Variants in CKAP5 observed in about 807,000 individuals in gnomAD.
CKAP5 encodes the protein cytoskeleton associated protein 5.
CKAP5 carries 27 observed loss-of-function variants against 232.8 expected under a neutral mutation model. The ratio of observed to expected loss-of-function variants is 0.12; its 90% CI spans 0.09 to 0.16. The LOEUF (loss-of-function observed/expected upper bound fraction) is 0.16, where lower values mean the gene tolerates loss of function less well. Ranked by LOEUF, CKAP5 falls within the 10% of genes least tolerant of loss-of-function variation. CKAP5 has a pLI of 1.00. For missense variants in CKAP5, 1,838 were observed against 2,424.7 expected, an observed-to-expected ratio of 0.76 and a Z score of 5.08; for synonymous variants, 785 against 841.1, an observed-to-expected ratio of 0.93 and a Z score of 1.16.
At chr11:46,821,946 G>A (rs1343951547) in intron 1 of CKAP5, among the ~76,000 whole-genome samples, 1 of 152,102 alleles carries the variant, frequency 6.6e-6, no homozygotes, top group Non-Finnish European at 1.5e-5. Context: ...GTCTGAGACA[G>A]GAGAATCGCT....
At chr11:46,752,193 T>TATACACACAC (rs1408030107) in intron 38 of CKAP5, among the ~76,000 whole-genome samples, 1 of 66,572 alleles carries the variant, frequency 1.5e-5, no homozygotes, top group African/African-American at 5.1e-5. Flanking sequence ...TATATATATA[T>TATACACACAC]ACACACACAC....
intron 1 of CKAP5, among the ~76,000 whole-genome samples, chr11:46,833,532 T>C (rs865897925): frequency 6.6e-6 from 1 of 150,752 alleles, no homozygotes; most frequent in Admixed American, 6.7e-5. Flanking sequence ...CAGGCTGGAG[T>C]GCACTGGCGG....
At chr11:46,746,981 C>T (rs1036720903) in intron 42 of CKAP5, among the ~76,000 whole-genome samples, 1 of 152,002 alleles carries the variant, frequency 6.6e-6, no homozygotes, top group South Asian at 2.1e-4. Flanking sequence ...ACTAAAAATA[C>T]ACACAAAAAA....
At chr11:46,836,838 C>T (rs1939929206) in intron 1 of CKAP5, among the ~76,000 whole-genome samples, 1 of 152,166 alleles carries the variant, frequency 6.6e-6, no homozygotes, top group Non-Finnish European at 1.5e-5. Flanking sequence ...TTAATCCCAG[C>T]ACTTTTGGGA....
At chr11:46,821,422 T>TTC (rs1491482566) in intron 1 of CKAP5, among the ~76,000 whole-genome samples, 154 bp from the exon 2 acceptor site, 1 of 1,824 alleles carries the variant, frequency 5.5e-4, no homozygotes, top group African/African-American at 2.2e-3. Context: ...TTAACAGGAC[T>TTC]TTTTTTTTTT....
intron 38 of CKAP5, among the ~76,000 whole-genome samples, chr11:46,752,189 TATATACACACACACACACACACACAC>T (rs1272823806): frequency 2.8e-4 from 18 of 64,380 alleles, no homozygotes; most frequent in Non-Finnish European, 7.0e-5. Context: ...TATATATATA[TATATACACACACACACACACACACAC>T]ACACACACAC....
chr11:46,767,636 C>T lies in CKAP5; in HGVS notation c.3350G>A (p.Ser1117Asn), dbSNP rs768789379. The change falls in exon 27 of 44, where the codon AGT becomes AAT. Residue 1117 changes from serine to asparagine, a missense_variant. This residue lies in a region of CKAP5 where 767 missense variants were observed against 954.6 expected (regional missense o/e 0.80). Transcript: ENST00000529230. ...TTTTGGATCAGGTTTGGGTTCTGTA[C>T]TGCTGGAAATACAATCTTCAGCAGG... ...SAPAEDCISS[S>N]TEPKPDPKKA... 3 of 1,610,970 alleles carry T rather than the reference C, an allele frequency of 1.9e-6. No individual in the cohort carries two copies.
intron 13 of CKAP5, among the ~76,000 whole-genome samples, chr11:46,792,416 G>C (rs938894410): frequency 6.6e-6 from 1 of 152,068 alleles, no homozygotes; most frequent in Admixed American, 6.6e-5. Flanking sequence ...AGCCAGGCGT[G>C]GTGGCAGGTG....
At chr11:46,844,460 T>C (rs2134731060) in intron 1 of CKAP5, among the ~76,000 whole-genome samples, 1 of 152,176 alleles carries the variant, frequency 6.6e-6, no homozygotes, top group Non-Finnish European at 1.5e-5. Context: ...AAACAGGTGC[T>C]GCTAAAACTG....
In CKAP5 at chr11:46,796,905, G is replaced by C; in HGVS notation, c.1374C>G (p.Ala458=). 1 of 1,613,882 alleles carries C rather than the reference G, an allele frequency of 6.2e-7. No individual in the cohort carries two copies. Among genetic ancestry groups the C allele is most frequent in the Non-Finnish European group, 8.5e-7 (1 of 1,179,912 alleles). ...AAGCAGTACCCAATGCTTCAAATGC[G>C]GCATCTCTGACTTCAGGAGCAGAAT... is the stretch of plus-strand genomic sequence containing the variant. ...INDSAPEVRD[A]AFEALGTALK... is the part of the protein sequence containing the mutation. The change falls in exon 12 of 44, where the codon GCC becomes GCG. Residue 458 remains alanine, a synonymous_variant. Transcript: ENST00000529230.
chr11:46,820,010 A>C (rs1286339137), intron 2 of CKAP5, among the ~76,000 whole-genome samples: 1 of 152,186 alleles, frequency 6.6e-6, no homozygotes, highest in East Asian at 1.9e-4. Context: ...TGGGAAAAAT[A>C]AAGTACCAAA....
At position 46,809,509 on chromosome 11, in the gene CKAP5, A is replaced by T; in HGVS notation, c.764-9T>A. On this transcript the variant is annotated splice_polypyrimidine_tract_variant and intron_variant, in intron 6 of 43. Transcript: ENST00000529230. ...ATCACCATCATCACCACCTTTAAGGAGAAAAACAACACAAACCTTAAAAAT... is the reference window on the plus strand; with the variant it reads ...ATCACCATCATCACCACCTTTAAGGTGAAAAACAACACAAACCTTAAAAAT... The T allele has an allele frequency of 1.3e-6, 2 of 1,589,044 alleles. No homozygotes were observed. The highest frequency in any genetic ancestry group is 1.7e-6 in the Non-Finnish European group (2 of 1,160,772).
intron 1 of CKAP5, among the ~76,000 whole-genome samples, chr11:46,836,987 G>C (rs1453783149): frequency 3.3e-5 from 5 of 152,186 alleles, no homozygotes; most frequent in African/African-American, 1.2e-4. Flanking sequence ...TTACAGATGT[G>C]TGAAACAACT....
intron 1 of CKAP5, among the ~76,000 whole-genome samples, chr11:46,842,139 G>A (rs1940069083): frequency 6.6e-6 from 1 of 152,160 alleles, no homozygotes; most frequent in Admixed American, 6.5e-5. Context: ...TGAGAGCTTA[G>A]GCCACTAACC....
At chr11:46,762,847 T>A (rs568496448) in intron 30 of CKAP5, 85 bp from the exon 31 acceptor site, 1 of 1,469,164 alleles carries the variant, frequency 6.8e-7, no homozygotes, top group African/African-American at 1.4e-5. Flanking sequence ...TTTGAAAGAA[T>A]AGGGAAATAG....
In CKAP5 at chr11:46,750,587, C is replaced by T; in HGVS notation, c.5485G>A (p.Val1829Met). Reference sequence around the variant, plus strand: ...AAAATCTCAGCTAAGAAATCATTCACTTTGGCCTTTGATGATTTTTCATCC... The same window carrying T: ...AAAATCTCAGCTAAGAAATCATTCATTTTGGCCTTTGATGATTTTTCATCC... Reference protein sequence around the residue: ...RIDEKSSKAKVNDFLAEIFKK... With the variant: ...RIDEKSSKAKMNDFLAEIFKK... Residue 1829 changes from valine (V) to methionine (M), a missense_variant, in exon 41 of 44, where the codon GTG becomes ATG. Physicochemically the swap from Val to Met is conservative, Grantham distance 21. Coordinates refer to ENST00000529230, the MANE Select transcript of CKAP5 (RefSeq NM_001008938.4). 1 of 1,613,502 alleles carries T rather than the reference C, an allele frequency of 6.2e-7. No homozygotes were observed. Among genetic ancestry groups the T allele is most frequent in the Non-Finnish European group, 8.5e-7 (1 of 1,179,740 alleles).
intron 13 of CKAP5, among the ~76,000 whole-genome samples, chr11:46,792,980 C>A (rs1481503215): frequency 2.0e-5 from 3 of 152,154 alleles, no homozygotes; most frequent in African/African-American, 7.2e-5. Context: ...TAAATCCCAG[C>A]TCTGCCACTC....
In CKAP5 at chr11:46,843,635, T is replaced by C. The variant is rs145351288; in HGVS notation, c.-38+2585A>G. Among the ~76,000 whole-genome samples the C allele has an allele frequency of 6.1e-3, 901 of 148,762 alleles. 9 individuals carry two copies. The highest frequency in any genetic ancestry group is 0.021 in the African/African-American group (860 of 40,176). Reference sequence around the variant, plus strand: ...AGTCCCAGCTACCGGAAGGCTGAGATGGGAGGATCACCTGAGCCCTGGAGG... The same window carrying C: ...AGTCCCAGCTACCGGAAGGCTGAGACGGGAGGATCACCTGAGCCCTGGAGG... On this transcript the variant is annotated intron_variant, in intron 1 of 43. Transcript: ENST00000529230.
Position 46,801,262 on chromosome 11 carries a change from C to T in CKAP5, c.1021G>A (p.Ala341Thr). ...ACAGCCAGGCCAGTAAGACATTTTG[C>T]TGCCAAAGCCACCAACATGACATTG... is the stretch of plus-strand genomic sequence containing the variant. ...DTNVMLVALA[A>T]KCLTGLAVGL... The change falls in exon 9 of 44, where the codon GCA becomes ACA. Residue 341 changes from alanine (A) to threonine (T), a missense_variant. Around this residue, in one of 6 missense-constraint regions of CKAP5, gnomAD observed 97 missense variants for 167.7 expected, o/e 0.58. Transcript: ENST00000529230. 2 of 1,613,770 alleles carry T rather than the reference C, an allele frequency of 1.2e-6. No homozygotes were observed. Among genetic ancestry groups the T allele is most frequent in the Non-Finnish European group, 1.7e-6 (2 of 1,179,706 alleles).
Sources: allele counts gnomAD v4.1 joint callset (sites outside exome capture counted in the v4.1 genomes callset), GRCh38; gene constraint gnomAD v4.1.1; regional missense constraint gnomAD v4.1.1; transcripts MANE v1.5; gene names NCBI Gene and HGNC (gene_info 2026-07-23, HGNC 2026-07-21).